NR5A2: variants seen among roughly 807,000 people sequenced by gnomAD.
NR5A2 encodes the protein nuclear receptor subfamily 5 group A member 2.
Under a neutral mutation model 62.7 loss-of-function variants are expected in NR5A2, and 26 were observed. The observed-to-expected ratio is 0.41, with a 90% CI of 0.30 to 0.58. The LOEUF is 0.58. NR5A2 is among the 20% of genes least tolerant of loss of function. The pLI is 0.22. For missense variants in NR5A2, 541 were observed against 669.1 expected (o/e 0.81, Z 2.11); for synonymous variants, 246 against 241.7 (o/e 1.02, Z -0.16).
chr1:200,146,836 T>C (rs1329456044), intron 7 of NR5A2, among the ~76,000 whole-genome samples: 1 of 152,194 alleles, frequency 6.6e-6, no homozygotes, highest in African/African-American at 2.4e-5. Context: ...TTTTACTGAT[T>C]AAAAATTTAC....
chr1:200,066,040 G>T (rs914015105), intron 5 of NR5A2, among the ~76,000 whole-genome samples: 1 of 152,162 alleles, frequency 6.6e-6, no homozygotes, highest in Admixed American at 6.5e-5. Flanking sequence ...GCCATAGGAG[G>T]ATTTTAAGCA....
At chr1:200,168,714 C>G (rs1489320821) in intron 7 of NR5A2, among the ~76,000 whole-genome samples, 1 of 152,096 alleles carries the variant, frequency 6.6e-6, no homozygotes, top group Non-Finnish European at 1.5e-5. Flanking sequence ...TCCTGCCCTC[C>G]CCTCCCCAAT....
At chr1:200,158,872 G>C (rs1177317521) in intron 7 of NR5A2, among the ~76,000 whole-genome samples, 4 of 150,610 alleles carry the variant, frequency 2.7e-5, no homozygotes, top group Non-Finnish European at 5.9e-5. Flanking sequence ...CTGCATTCTG[G>C]TATTGACCTG....
At position 200,062,292 on chromosome 1, in the gene NR5A2, G is replaced by A. The variant is rs545401286; in HGVS notation, c.1110+13474G>A. On this transcript the variant is annotated intron_variant, in intron 5 of 7. Coordinates refer to ENST00000367362, the MANE Select transcript of NR5A2 (RefSeq NM_205860.3). Reference sequence around the variant, plus strand: ...CCATGTGTGTATCGCAGTGTTTTGAGTGCATATCCTGTTTTCACACACATT... The same window carrying A: ...CCATGTGTGTATCGCAGTGTTTTGAATGCATATCCTGTTTTCACACACATT... Among the ~76,000 whole-genome samples, 3 of 133,746 alleles carry A rather than the reference G, an allele frequency of 2.2e-5. No individual in the cohort carries two copies. The South Asian group carries it at 7.2e-4, about 32-fold the overall frequency. The allele number at this position is 133,746 out of a possible 152,430, so 87.7% of individuals were successfully genotyped here. A position where few individuals can be genotyped will look rare whatever the true frequency, so the allele number is the denominator to read the frequency against.
intron 3 of NR5A2, chr1:200,044,660 A>C (rs918195134): frequency 6.6e-6 from 1 of 152,098 alleles, no homozygotes; most frequent in Admixed American, 6.5e-5. Flanking sequence ...ACCACCAGGA[A>C]AATCCCTCCA....
At chr1:200,058,805 T>G (rs529964357) in intron 5 of NR5A2, among the ~76,000 whole-genome samples, 164 of 150,054 alleles carry the variant, frequency 1.1e-3, no homozygotes, top group Non-Finnish European at 1.6e-3. Flanking sequence ...TTTTGTTTTT[T>G]TTTTTCATAT....
At chr1:200,142,523 T>A (rs1037447154) in intron 7 of NR5A2, among the ~76,000 whole-genome samples, 13 of 151,048 alleles carry the variant, frequency 8.6e-5, no homozygotes, top group Admixed American at 2.0e-4. Flanking sequence ...TAAAAAAAAA[T>A]TATTATTATC....
intron 5 of NR5A2, among the ~76,000 whole-genome samples, chr1:200,071,717 C>T (rs10753863): frequency 0.47 from 71,526 of 151,982 alleles, 16,867 homozygotes; most frequent in Middle Eastern, 0.52. Context: ...AAAAACCTAA[C>T]TGTCTCAATT....
At chr1:200,133,854 C>A (rs1465779591) in intron 7 of NR5A2, among the ~76,000 whole-genome samples, 1 of 151,982 alleles carries the variant, frequency 6.6e-6, no homozygotes, top group Non-Finnish European at 1.5e-5. Context: ...TAGGAGATGA[C>A]AGCTCTATGT....
At chr1:200,125,712 T>C (rs1485060825) in intron 7 of NR5A2, among the ~76,000 whole-genome samples, 1 of 152,218 alleles carries the variant, frequency 6.6e-6, no homozygotes, top group Non-Finnish European at 1.5e-5. Context: ...TAAAAGGTCA[T>C]CTAAGCAAGT....
intron 1 of NR5A2, chr1:200,038,818 G>C: frequency 8.2e-7 from 1 of 1,226,778 alleles, no homozygotes; most frequent in Non-Finnish European, 1.1e-6. Flanking sequence ...GGCCAGGGTG[G>C]GGTGGGAGGG....
At chr1:200,116,722 T>C (rs1666239250) in intron 6 of NR5A2, among the ~76,000 whole-genome samples, 1 of 152,226 alleles carries the variant, frequency 6.6e-6, no homozygotes, top group Non-Finnish European at 1.5e-5. Context: ...ATTATGATTA[T>C]CAGTAATATT....
intron 6 of NR5A2, among the ~76,000 whole-genome samples, chr1:200,112,619 G>A (rs1666007655): frequency 6.6e-6 from 1 of 152,152 alleles, no homozygotes; most frequent in South Asian, 2.1e-4. Context: ...TTGCAAATTG[G>A]GTCAATTCAA....
Position 200,176,355 on chromosome 1 carries a change from G to A in NR5A2, c.*2145G>A, listed in dbSNP as rs1156615764. ...CATCCACATGAAGGGTACACATTAG[G>A]TAAGCTGGGCGTTGACTCATGCGCA... On this transcript the variant is annotated 3_prime_UTR_variant, in exon 8 of 8. Transcript: ENST00000367362. The A allele has an allele frequency of 6.6e-6, 1 of 152,554 alleles. No individual in the cohort carries two copies. The highest frequency in any genetic ancestry group is 1.5e-5 in the Non-Finnish European group (1 of 68,028). The allele number at this position is 152,554 out of a possible 1,614,324, so 9.5% of individuals were successfully genotyped here.
Position 200,048,807 on chromosome 1 carries a change from A to C in NR5A2, c.1099A>C (p.Arg367=). 6.2e-7 allele frequency: 1 copy of C among 1,613,890 alleles called. No homozygotes were observed. Among genetic ancestry groups the C allele is most frequent in the Non-Finnish European group, 8.5e-7 (1 of 1,179,730 alleles). The change falls in exon 5 of 8, where the codon AGA becomes CGA. Residue 367 remains arginine, a synonymous_variant. Coordinates refer to ENST00000367362, the MANE Select transcript of NR5A2 (RefSeq NM_205860.3). The surrounding 1 kb of genome is among the most constrained non-coding windows in gnomAD (Gnocchi z 4.8). The stretch of plus-strand genomic sequence containing the variant: ...GTGGGCCAGGAGTAGTATCTTCTTC[A>C]GAGAACTTAAGGTATGCCACCAGCT... The part of the protein sequence containing the change: ...VEWARSSIFF[R]ELKVDDQMKL...
In NR5A2 at chr1:200,048,700, C is replaced by A; in HGVS notation, c.992C>A (p.Ala331Asp). ...KIMAYLQQEQ[A>D]NRSKHEKLST... Reference sequence around the variant, plus strand: ...ATGGCCTATTTGCAGCAAGAGCAGGCTAACCGAAGCAAGCACGAAAAGCTG... The same window carrying A: ...ATGGCCTATTTGCAGCAAGAGCAGGATAACCGAAGCAAGCACGAAAAGCTG... Residue 331 changes from alanine (A) to aspartate (D), a missense_variant, in exon 5 of 8, where the codon GCT becomes GAT. Ala to Asp is a moderately radical substitution (Grantham distance 126, BLOSUM62 -2). This residue lies in a region of NR5A2 where 379 missense variants were observed against 442.0 expected (regional missense o/e 0.86). Coordinates refer to ENST00000367362, the MANE Select transcript of NR5A2 (RefSeq NM_205860.3). The surrounding 1 kb of genome is among the most constrained non-coding windows in gnomAD (Gnocchi z 4.8). 6.2e-7 allele frequency: 1 copy of A among 1,614,178 alleles called. No homozygotes were observed. Among genetic ancestry groups the A allele is most frequent in the Non-Finnish European group, 8.5e-7 (1 of 1,180,028 alleles).
At chr1:200,074,747 A>AAAAAAAAAAAAACAAAAAAAAAAC (rs1430312718) in intron 5 of NR5A2, among the ~76,000 whole-genome samples, 1 of 148,118 alleles carries the variant, frequency 6.8e-6, no homozygotes, top group Non-Finnish European at 1.5e-5. Context: ...AAAAAAAAAA[A>AAAAAAAAAAAAACAAAAAAAAAAC]AAAAAAAAAC....
At chr1:200,072,644 A>G (rs886993984) in intron 5 of NR5A2, among the ~76,000 whole-genome samples, 5 of 152,200 alleles carry the variant, frequency 3.3e-5, no homozygotes, top group Admixed American at 6.5e-5. Flanking sequence ...ATTTGTTGCT[A>G]AATAAAATCT....
At chr1:200,106,868 G>C (rs549760606) in intron 5 of NR5A2, among the ~76,000 whole-genome samples, 1 of 151,974 alleles carries the variant, frequency 6.6e-6, no homozygotes. Flanking sequence ...ATAGAGCTGC[G>C]TAAAAACTAT....
Sources: gnomAD v4.1 joint callset for allele counts (sites outside exome capture counted in the v4.1 genomes callset) on GRCh38, gnomAD v4.1.1 for gene constraint, gnomAD v4.1.1 regional missense constraint, Gnocchi (gnomAD v3.1) non-coding constraint, MANE v1.5 for transcripts, NCBI Gene and HGNC (gene_info 2026-07-23, HGNC 2026-07-21) for gene names.